The following HUWE1 variants were observed in gnomAD, a reference collection of about 807,000 sequenced individuals.
HUWE1 encodes the protein E3 ubiquitin-protein ligase HUWE1.
In HUWE1, 18 loss-of-function variants were observed where a neutral mutation model predicts 299.4. The ratio of observed to expected loss-of-function variants is 0.06; its 90% CI spans 0.04 to 0.09. The LOEUF (loss-of-function observed/expected upper bound fraction) is 0.09. HUWE1 is among the 10% of genes least tolerant of loss of function. HUWE1 has a pLI of 1.00. For missense variants in HUWE1, 1,832 were observed against 3,462.3 expected (o/e 0.53, Z 11.82); for synonymous variants, 1,317 against 1,286.1 (o/e 1.02, Z -0.51).
At chrX:53,629,768 G>A in intron 12 of HUWE1, 152 bp from the exon 13 acceptor site, 2 of 441,146 alleles carry the variant, frequency 4.5e-6, no homozygotes, top group Admixed American at 7.6e-5. Flanking sequence ...AATTCTGAAG[G>A]ACTGGATCAA....
intron 33 of HUWE1, 116 bp from the exon 34 acceptor site, chrX:53,591,238 G>T: frequency 1.2e-6 from 1 of 804,656 alleles, no homozygotes; most frequent in Non-Finnish European, 1.8e-6. Context: ...TGGGCTGAGA[G>T]CATTTATGAG....
rs782764055 is a variant in HUWE1, at chrX:53,537,579, G to T, written c.12114C>A (p.Ser4038=). The T allele has an allele frequency of 6.6e-6, 8 of 1,210,724 alleles. No homozygotes were observed. Among genetic ancestry groups the T allele is most frequent in the Non-Finnish European group, 1.1e-6 (1 of 894,949 alleles). ...ACAATCGATTCTTCATTTCTTCGGG[G>T]GATTTGCGATGCAGCTCACGATAGG... ...EDSYRELHRK[S]PEEMKNRLYI... is the part of the protein sequence containing the mutation. The change falls in exon 78 of 84, where the codon TCC becomes TCA. Residue 4038 remains serine, a synonymous_variant. Transcript: ENST00000262854.
chrX:53,554,846 T>A lies in HUWE1; in HGVS notation c.8281A>T (p.Thr2761Ser). ...TGTGAGGATTGCAGAGTGCCAAGGG[T>A]CTCCTTGGACTCAGATGTAGCTGCA... Reference protein sequence around the residue: ...TDAATSESKETLGTLQSSQQQ... With the variant: ...TDAATSESKESLGTLQSSQQQ... Residue 2761 changes from threonine to serine, a missense_variant, in exon 61 of 84, where the codon ACC (threonine) becomes TCC (serine). Thr to Ser is a moderately conservative substitution (Grantham distance 58). This residue lies in a region of HUWE1 where 143 missense variants were observed against 148.1 expected (regional missense o/e 0.97). Coordinates refer to ENST00000262854, the MANE Select transcript of HUWE1 (RefSeq NM_031407.7). 8.3e-7 allele frequency: 1 copy of A among 1,204,099 alleles called. No individual in the cohort carries two copies. The highest frequency in any genetic ancestry group is 1.1e-6 in the Non-Finnish European group (1 of 890,293).
chrX:53,556,274 T>C (rs1363126884), intron 60 of HUWE1: 8 of 345,747 alleles, frequency 2.3e-5, no homozygotes, highest in East Asian at 1.8e-4. Flanking sequence ...TATCTTCTAA[T>C]TGGGGCCTAA....
chrX:53,590,746 T>C (rs1298531518), intron 34 of HUWE1, among the ~76,000 whole-genome samples: 1 of 112,478 alleles, frequency 8.9e-6, no homozygotes, highest in Non-Finnish European at 1.9e-5. Context: ...TGATCATCTA[T>C]TCTACATCTT....
In HUWE1 at chrX:53,595,333, A is replaced by G; in HGVS notation, c.3234T>C (p.Pro1078=). 1 of 1,210,931 alleles carries G rather than the reference A, an allele frequency of 8.3e-7. No individual in the cohort carries two copies. The highest frequency in any genetic ancestry group is 1.7e-5 in the African/African-American group (1 of 57,758). Residue 1078 remains proline (P), a synonymous_variant, in exon 30 of 84, where the codon CCT becomes CCC. Transcript: ENST00000262854. ...GLLVKLCVGS[P]VRQRRSHHAA... ...CATGATGGCTCCTTCTCTGGCGGAC[A>G]GGAGATCCCACACAAAGTTTAACAA...
intron 3 of HUWE1, among the ~76,000 whole-genome samples, chrX:53,660,768 C>T (rs782382864): frequency 1.8e-5 from 2 of 111,148 alleles, no homozygotes; most frequent in East Asian, 2.8e-4. Context: ...GGCTTATTAG[C>T]ACACAGAACC....
At chrX:53,657,774 G>C (rs1276222092) in intron 3 of HUWE1, among the ~76,000 whole-genome samples, 7 of 110,857 alleles carry the variant, frequency 6.3e-5, no homozygotes, top group African/African-American at 2.3e-4. Flanking sequence ...TGCTGGCCAG[G>C]CACGGTGGCT....
In HUWE1 at chrX:53,629,498, A is replaced by G. The variant is rs145428690; in HGVS notation, c.963+18T>C. 1.3e-3 allele frequency: 1,421 copies of G among 1,059,903 alleles called. 14 individuals are homozygous for G. The African/African-American group carries it at 0.023, about 17-fold the overall frequency. 87.3% of individuals were successfully genotyped at this position (1,059,903 alleles called of 1,213,427 possible). A position where few individuals can be genotyped will look rare whatever the true frequency, so the allele number is the denominator to read the frequency against. ...CAAGTGTTACAGCTAAGGGTTACTCAACCTGTAAAATACTTACCATAAGCT... is the reference window on the plus strand; with the variant it reads ...CAAGTGTTACAGCTAAGGGTTACTCGACCTGTAAAATACTTACCATAAGCT... On this transcript the variant is annotated intron_variant, in intron 13 of 83. Coordinates refer to ENST00000262854, the MANE Select transcript of HUWE1 (RefSeq NM_031407.7).
chrX:53,561,606 A>C (rs1481066819), intron 55 of HUWE1, 150 bp downstream of exon 55: 9 of 814,312 alleles, frequency 1.1e-5, no homozygotes, highest in African/African-American at 2.0e-5. Context: ...CTAATGAGAC[A>C]GATGGATTCA....
intron 7 of HUWE1, among the ~76,000 whole-genome samples, chrX:53,644,720 ACTTTT>A (rs1280940511): frequency 8.9e-6 from 1 of 112,356 alleles, no homozygotes; most frequent in Non-Finnish European, 1.9e-5. Flanking sequence ...CAGCCATAAC[ACTTTT>A]CTTCTAAGAA....
intron 27 of HUWE1, among the ~76,000 whole-genome samples, chrX:53,602,943 C>T (rs181904425): frequency 6.5e-5 from 7 of 108,303 alleles, no homozygotes; most frequent in Non-Finnish European, 1.3e-4. Context: ...CCTCCACCTC[C>T]GGGGTTCAAG....
intron 19 of HUWE1, among the ~76,000 whole-genome samples, chrX:53,623,542 T>C (rs2066282512): frequency 9.0e-6 from 1 of 111,279 alleles, no homozygotes; most frequent in Non-Finnish European, 1.9e-5. Context: ...TTCTTAATGG[T>C]GAAATATTAA....
At chrX:53,643,881 T>C (rs1290586922) in intron 7 of HUWE1, among the ~76,000 whole-genome samples, 1 of 111,846 alleles carries the variant, frequency 8.9e-6, no homozygotes, top group African/African-American at 3.2e-5. Flanking sequence ...TAGAATGCAG[T>C]AGCACGATCC....
intron 6 of HUWE1, among the ~76,000 whole-genome samples, chrX:53,645,735 AAATATATATATATATATATATATAT>A (rs2067965322): frequency 3.8e-5 from 1 of 26,160 alleles, no homozygotes; most frequent in African/African-American, 1.6e-4. Flanking sequence ...AAAAAAAAAA[AAATATATATATATATATATATATAT>A]ATATATATAT....
intron 7 of HUWE1, among the ~76,000 whole-genome samples, chrX:53,641,532 G>A (rs1464420659): frequency 9.0e-6 from 1 of 111,237 alleles, no homozygotes; most frequent in Non-Finnish European, 1.9e-5. Flanking sequence ...GAGATTCAGG[G>A]GTAAACTCTA....
intron 6 of HUWE1, 141 bp downstream of exon 6, chrX:53,647,227 A>G: frequency 1.9e-6 from 1 of 518,271 alleles, no homozygotes; most frequent in Non-Finnish European, 3.5e-6. Context: ...TCCAAGAAAC[A>G]TTCTACTATT....
At chrX:53,684,310 G>A (rs1216831154) in intron 2 of HUWE1, 2 of 125,645 alleles carry the variant, frequency 1.6e-5, no homozygotes, top group African/African-American at 6.2e-5. Context: ...GCGAGACCTG[G>A]TGCACACTCC....
rs2070433530 is a variant in HUWE1, at chrX:53,686,578, AGACGCTCACCTC to A, written c.-264_-262+9del. On this transcript the variant is annotated splice_donor_variant and splice_donor_5th_base_variant and 5_prime_UTR_variant and intron_variant, in exon 1 of 84. Coordinates refer to ENST00000262854, the MANE Select transcript of HUWE1 (RefSeq NM_031407.7). LOFTEE classifies it low-confidence loss of function (5UTR_SPLICE). ...AGAGCTCGCCCTCCAGCCCAGGGAT[AGACGCTCACCTC>A]GGCCGCAATGGCTCCGCGGGGCCCG... 1 of 112,834 alleles carries A rather than the reference AGACGCTCACCTC, an allele frequency of 8.9e-6. No individual in the cohort carries two copies. The highest frequency in any genetic ancestry group is 9.3e-5 in the Admixed American group (1 of 10,734). 9.3% of individuals were successfully genotyped at this position (112,834 alleles called of 1,213,427 possible). A position where few individuals can be genotyped will look rare whatever the true frequency, so the allele number is the denominator to read the frequency against.
Sources: gnomAD v4.1 joint callset for allele counts (sites outside exome capture counted in the v4.1 genomes callset) on GRCh38, gnomAD v4.1.1 for gene constraint, gnomAD v4.1.1 regional missense constraint, MANE v1.5 for transcripts, NCBI Gene and HGNC (gene_info 2026-07-23, HGNC 2026-07-21) for gene names.